The following ZFHX3 variants were observed in gnomAD, a reference collection of about 807,000 sequenced individuals.
The protein encoded by ZFHX3 is zinc finger homeobox protein 3.
Under a neutral mutation model 279.1 loss-of-function variants are expected in ZFHX3, and 42 were observed. The observed-to-expected ratio is 0.15, with a 90% CI of 0.12 to 0.19. ZFHX3 has a LOEUF of 0.19. Among genes scored for constraint, ZFHX3 ranks in the 10% least tolerant of loss-of-function variants. ZFHX3 has a pLI of 1.00. For missense variants in ZFHX3, 4,981 were observed against 4,754.0 expected, an observed-to-expected ratio of 1.05 and a Z score of -1.40; for synonymous variants, 2,293 against 1,957.8, an observed-to-expected ratio of 1.17 and a Z score of -4.52.
At chr16:73,314,016 T>C (rs1417132019) in intron 4 of ZFHX3, among the ~76,000 whole-genome samples, 1 of 152,100 alleles carries the variant, frequency 6.6e-6, no homozygotes, top group Non-Finnish European at 1.5e-5. Flanking sequence ...GGAGGATGGC[T>C]TGAGCTCAGG....
chr16:73,310,479 C>T (rs914797314), intron 4 of ZFHX3, among the ~76,000 whole-genome samples: 1 of 152,178 alleles, frequency 6.6e-6, no homozygotes, highest in African/African-American at 2.4e-5. Context: ...AGACAAAGAC[C>T]AGTAGCTCTC....
chr16:73,532,205 G>A (rs1204828027), intron 2 of ZFHX3, among the ~76,000 whole-genome samples: 2 of 152,252 alleles, frequency 1.3e-5, no homozygotes, highest in East Asian at 1.9e-4. Context: ...TGTTATGGGA[G>A]GGACCCCAGG....
At chr16:73,708,890 T>A (rs915995220) in intron 1 of ZFHX3, among the ~76,000 whole-genome samples, 1 of 152,184 alleles carries the variant, frequency 6.6e-6, no homozygotes, top group Non-Finnish European at 1.5e-5. Flanking sequence ...TAACAAAGTC[T>A]GCCTGGACAT....
intron 3 of ZFHX3, among the ~76,000 whole-genome samples, chr16:73,448,480 G>A (rs2018225428): frequency 2.0e-5 from 3 of 152,120 alleles, no homozygotes; most frequent in African/African-American, 7.2e-5. Context: ...ATAGTATGAA[G>A]TAGACAAGAC....
At chr16:73,481,525 T>C (rs1339938400) in intron 2 of ZFHX3, among the ~76,000 whole-genome samples, 1 of 140,210 alleles carries the variant, frequency 7.1e-6, no homozygotes, top group Non-Finnish European at 1.5e-5. Flanking sequence ...CCTCAAACTC[T>C]TGGTCTCAGG....
chr16:73,235,834 CAA>C (rs1016994356), intron 5 of ZFHX3, among the ~76,000 whole-genome samples: 2 of 152,144 alleles, frequency 1.3e-5, no homozygotes, highest in Non-Finnish European at 2.9e-5. Context: ...CCACGCTAGG[CAA>C]AGTTTCGTAT....
intron 2 of ZFHX3, among the ~76,000 whole-genome samples, chr16:72,952,425 C>T (rs1248811213): frequency 6.6e-6 from 1 of 152,184 alleles, no homozygotes; most frequent in Non-Finnish European, 1.5e-5. Flanking sequence ...GGACCAATCA[C>T]CTTCCCTTTA....
chr16:73,729,721 C>T (rs537140505), intron 1 of ZFHX3, among the ~76,000 whole-genome samples: 21 of 152,130 alleles, frequency 1.4e-4, no homozygotes, highest in Admixed American at 1.2e-3. Flanking sequence ...AACCATGACA[C>T]GCCAGTGTTT....
chr16:73,532,300 T>C (rs947012633), intron 2 of ZFHX3, among the ~76,000 whole-genome samples: 8 of 152,114 alleles, frequency 5.3e-5, no homozygotes, highest in African/African-American at 1.9e-4. Flanking sequence ...TGGTTTTATA[T>C]GGGGAGACCC....
At chr16:72,991,592 T>C (rs963601623) in intron 1 of ZFHX3, among the ~76,000 whole-genome samples, 3 of 152,242 alleles carry the variant, frequency 2.0e-5, no homozygotes, top group African/African-American at 7.2e-5. Context: ...AGGGGTTAGC[T>C]ATTAATGCTT....
chr16:73,579,805 T>TA (rs955908632), intron 2 of ZFHX3, among the ~76,000 whole-genome samples: 16 of 148,084 alleles, frequency 1.1e-4, no homozygotes, highest in African/African-American at 2.7e-4. Flanking sequence ...CCTTTTTATG[T>TA]AAAAAAATTC....
At chr16:72,856,476 T>G (rs1316304225) in intron 4 of ZFHX3, among the ~76,000 whole-genome samples, 1 of 152,202 alleles carries the variant, frequency 6.6e-6, no homozygotes, top group African/African-American at 2.4e-5. Flanking sequence ...CTAAGAGGGA[T>G]ACGCAGGAGC....
chr16:73,555,490 C>T (rs1489540857), intron 2 of ZFHX3, among the ~76,000 whole-genome samples: 1 of 151,842 alleles, frequency 6.6e-6, no homozygotes, highest in Non-Finnish European at 1.5e-5. Flanking sequence ...TCTGCCCCTC[C>T]GCTTCCCTCC....
At chr16:72,928,730 T>G (rs1219036730) in intron 3 of ZFHX3, among the ~76,000 whole-genome samples, 1 of 152,030 alleles carries the variant, frequency 6.6e-6, no homozygotes, top group East Asian at 1.9e-4. Context: ...GTAATCCCAG[T>G]AGGGAGGATG....
At chr16:73,460,856 G>A (rs182151799) in intron 2 of ZFHX3, among the ~76,000 whole-genome samples, 3 of 152,238 alleles carry the variant, frequency 2.0e-5, no homozygotes, top group Admixed American at 1.3e-4. Flanking sequence ...CTCTGGCTAC[G>A]TGATACACCT....
At chr16:73,132,793 C>A (rs1459498128) in intron 6 of ZFHX3, among the ~76,000 whole-genome samples, 2 of 152,204 alleles carry the variant, frequency 1.3e-5, no homozygotes, top group African/African-American at 4.8e-5. Context: ...AGTTCAGGTT[C>A]AACCTTTTAA....
In ZFHX3 at chr16:72,956,518, G is replaced by A. The variant is rs567754682; in HGVS notation, c.2719+909C>T. Among the ~76,000 whole-genome samples the A allele has an allele frequency of 1.6e-4, 24 of 152,214 alleles. No individual in the cohort carries two copies. In the South Asian group the frequency reaches 3.7e-3, roughly 24 times the overall value. ...TCAAAGTGGCTGTGGTTCGTTCTACGTAAAAACTCAAAGTTTTTAGCACCC... is the reference window on the plus strand; with the variant it reads ...TCAAAGTGGCTGTGGTTCGTTCTACATAAAAACTCAAAGTTTTTAGCACCC... On this transcript the variant is annotated intron_variant, in intron 2 of 9. Coordinates refer to ENST00000268489, the MANE Select transcript of ZFHX3 (RefSeq NM_006885.4).
intron 3 of ZFHX3, among the ~76,000 whole-genome samples, chr16:73,376,338 A>C (rs1361413891): frequency 6.6e-6 from 1 of 152,196 alleles, no homozygotes; most frequent in Admixed American, 6.5e-5. Context: ...ACAATTCTTT[A>C]ACATTGTAGA....
chr16:73,351,522 C>T (rs2016241765), intron 3 of ZFHX3, among the ~76,000 whole-genome samples: 1 of 152,202 alleles, frequency 6.6e-6, no homozygotes, highest in Admixed American at 6.5e-5. Flanking sequence ...TTCTTTCCCC[C>T]CAGCTGCTTT....
Sources: allele counts gnomAD v4.1 joint callset (sites outside exome capture counted in the v4.1 genomes callset), GRCh38; gene constraint gnomAD v4.1.1; transcripts MANE v1.5; gene names NCBI Gene and HGNC (gene_info 2026-07-23, HGNC 2026-07-21).